The following ATXN1 variants were observed in gnomAD, a reference collection of about 807,000 sequenced individuals.
ATXN1 encodes ataxin 1.
ATXN1 carries 8 observed loss-of-function variants against 56.4 expected under a neutral mutation model. That is an observed-to-expected ratio of 0.14 (90% CI 0.08 to 0.26). ATXN1 has a LOEUF of 0.26. ATXN1 is among the 10% of genes least tolerant of loss of function. The pLI is 1.00. For synonymous variants in ATXN1, 514 were observed against 494.6 expected (o/e 1.04, Z -0.52); for missense variants, 987 against 1,106.5 (o/e 0.89, Z 1.53).
chr6:16,536,242 A>G (rs1406921222), intron 4 of ATXN1, among the ~76,000 whole-genome samples: 1 of 152,008 alleles, frequency 6.6e-6, no homozygotes, highest in Non-Finnish European at 1.5e-5. Flanking sequence ...AATAGTAATA[A>G]TAAAATAAAA....
intron 4 of ATXN1, among the ~76,000 whole-genome samples, chr6:16,550,237 C>A (rs912908959): frequency 6.6e-6 from 1 of 151,700 alleles, no homozygotes; most frequent in Non-Finnish European, 1.5e-5. Context: ...ACATGGATAC[C>A]AAGGCTTCCC....
intron 7 of ATXN1, among the ~76,000 whole-genome samples, chr6:16,312,353 G>A (rs1760412337): frequency 6.6e-6 from 1 of 152,098 alleles, no homozygotes; most frequent in Admixed American, 6.6e-5. Context: ...CACTTTGGGA[G>A]GCTGAGGTAC....
intron 2 of ATXN1, among the ~76,000 whole-genome samples, chr6:16,669,381 T>C (rs1480918408): frequency 6.6e-6 from 1 of 152,200 alleles, no homozygotes; most frequent in African/African-American, 2.4e-5. Flanking sequence ...TCACTCTTGG[T>C]GGAAATTTTC....
At chr6:16,723,379 CCA>C (rs560456765) in intron 2 of ATXN1, among the ~76,000 whole-genome samples, 60 of 152,162 alleles carry the variant, frequency 3.9e-4, no homozygotes, top group African/African-American at 1.4e-3. Flanking sequence ...GTTCAACTAC[CCA>C]CAGTCAGCTT....
chr6:16,698,210 A>G (rs754702059), intron 2 of ATXN1, among the ~76,000 whole-genome samples: 5 of 152,204 alleles, frequency 3.3e-5, no homozygotes, highest in Non-Finnish European at 7.3e-5. Flanking sequence ...AAGAACCTTC[A>G]AGTCTAAACA....
intron 4 of ATXN1, among the ~76,000 whole-genome samples, chr6:16,541,326 T>C (rs1761709504): frequency 6.6e-6 from 1 of 152,212 alleles, no homozygotes; most frequent in African/African-American, 2.4e-5. Context: ...CTCTGACCCA[T>C]GGGGGAAGGC....
chr6:16,632,242 G>A (rs1310448590), intron 3 of ATXN1, among the ~76,000 whole-genome samples: 1 of 152,082 alleles, frequency 6.6e-6, no homozygotes, highest in African/African-American at 2.4e-5. Flanking sequence ...TCCTTCCTGG[G>A]GCAGTGAGAC....
chr6:16,582,477 A>G (rs1300944933), intron 4 of ATXN1, among the ~76,000 whole-genome samples: 1 of 152,210 alleles, frequency 6.6e-6, no homozygotes, highest in African/African-American at 2.4e-5. Flanking sequence ...CTCACAATTC[A>G]AAAGTTGTGC....
rs528562073 is a variant in ATXN1 at position 16,462,013 on chromosome 6, G to A, written c.-161+23959C>T. On this transcript the variant is annotated intron_variant, in intron 6 of 7. Coordinates refer to ENST00000436367, the MANE Select transcript of ATXN1 (RefSeq NM_001128164.2). ...ATGACCTCCTACTTGATCAGGAAAC[G>A]GCCAAGTTGGTCAAAGATATAACTT... Among the ~76,000 whole-genome samples, 112 of 152,224 alleles carry A rather than the reference G, an allele frequency of 7.4e-4. 2 individuals are homozygous for A. The highest frequency in any genetic ancestry group is 1.2e-3 in the Non-Finnish European group (83 of 68,014).
At chr6:16,473,208 A>C (rs1476720106) in intron 6 of ATXN1, among the ~76,000 whole-genome samples, 1 of 152,170 alleles carries the variant, frequency 6.6e-6, no homozygotes. Flanking sequence ...CCTATAAAAG[A>C]TACCACTTCC....
intron 2 of ATXN1, among the ~76,000 whole-genome samples, chr6:16,742,591 C>T (rs886234805): frequency 1.3e-5 from 2 of 152,114 alleles, no homozygotes; most frequent in Admixed American, 6.5e-5. Context: ...ACATATGGTC[C>T]AACATATGGT....
intron 2 of ATXN1, among the ~76,000 whole-genome samples, chr6:16,676,205 T>A (rs1473803942): frequency 6.6e-6 from 1 of 152,168 alleles, no homozygotes; most frequent in Non-Finnish European, 1.5e-5. Context: ...TTCTAAAAGA[T>A]AATTCACTAA....
intron 4 of ATXN1, among the ~76,000 whole-genome samples, chr6:16,554,392 C>G (rs1561752597): frequency 6.6e-6 from 1 of 152,208 alleles, no homozygotes; most frequent in Non-Finnish European, 1.5e-5. Flanking sequence ...TCTAAACCCA[C>G]CCGAGAGACA....
chr6:16,400,755 G>T (rs919103257), intron 6 of ATXN1, among the ~76,000 whole-genome samples: 4 of 152,190 alleles, frequency 2.6e-5, no homozygotes, highest in African/African-American at 7.2e-5. Context: ...CTAAAAGAGG[G>T]AGGGAGGGAG....
chr6:16,701,422 C>G (rs775373569), intron 2 of ATXN1, among the ~76,000 whole-genome samples: 2 of 152,196 alleles, frequency 1.3e-5, no homozygotes, highest in Non-Finnish European at 2.9e-5. Context: ...TTCCTTTACA[C>G]ACAAGACAGG....
Position 16,328,046 on chromosome 6 carries a change from G to T in ATXN1, c.265C>A (p.Pro89Thr). The T allele has an allele frequency of 6.2e-7, 1 of 1,613,718 alleles. No individual in the cohort carries two copies. Among genetic ancestry groups the T allele is most frequent in the East Asian group, 2.2e-5 (1 of 44,874 alleles). The change falls in exon 7 of 8, where the codon CCG becomes ACG. Residue 89 changes from proline (P) to threonine (T), a missense_variant. Coordinates refer to ENST00000436367, the MANE Select transcript of ATXN1 (RefSeq NM_001128164.2). This position sits in a 1 kb window ranked among gnomAD's most constrained non-coding sequence, Gnocchi z 6.2. ...KALSTGLDYS[P>T]PSAPRSVPVA... ...GGGACAGACCTGGGAGCGCTGGGCG[G>T]GGAGTAGTCCAGCCCTGTGGACAAT...
At chr6:16,491,917 A>G (rs1760673591) in intron 5 of ATXN1, among the ~76,000 whole-genome samples, 1 of 152,172 alleles carries the variant, frequency 6.6e-6, no homozygotes, top group Non-Finnish European at 1.5e-5. Context: ...CTGAAGGTGA[A>G]TGCCAGGACC....
At chr6:16,567,420 T>C (rs1226783704) in intron 4 of ATXN1, among the ~76,000 whole-genome samples, 1 of 152,228 alleles carries the variant, frequency 6.6e-6, no homozygotes, top group East Asian at 1.9e-4. Flanking sequence ...TCTGAGCCTG[T>C]GAGTGCAAGT....
intron 6 of ATXN1, among the ~76,000 whole-genome samples, chr6:16,389,226 A>G (rs1315441973): frequency 6.6e-6 from 1 of 151,450 alleles, no homozygotes; most frequent in African/African-American, 2.4e-5. Context: ...CATCTCAGCT[A>G]CTCGGGAGGC....
Sources: gnomAD v4.1 joint callset for allele counts (sites outside exome capture counted in the v4.1 genomes callset) on GRCh38, gnomAD v4.1.1 for gene constraint, Gnocchi (gnomAD v3.1) non-coding constraint, MANE v1.5 for transcripts, NCBI Gene and HGNC (gene_info 2026-07-23, HGNC 2026-07-21) for gene names.